The following ANKRD44 variants were observed in gnomAD, a reference collection of about 807,000 sequenced individuals.
The protein encoded by ANKRD44 is ankyrin repeat domain 44.
Under a neutral mutation model 116.0 loss-of-function variants are expected in ANKRD44, and 35 were observed. That is an observed-to-expected ratio of 0.30 (90% CI 0.23 to 0.40). The LOEUF is 0.40. ANKRD44 is among the 10% of genes least tolerant of loss of function. ANKRD44 has a pLI of 1.00. For synonymous variants in ANKRD44, 435 were observed against 461.8 expected (o/e 0.94, Z 0.74); for missense variants, 1,014 against 1,242.6 (o/e 0.82, Z 2.77).
intron 16 of ANKRD44, among the ~76,000 whole-genome samples, chr2:197,050,360 C>T (rs1329839190): frequency 6.6e-6 from 1 of 152,110 alleles, no homozygotes; most frequent in African/African-American, 2.4e-5. Flanking sequence ...ATCACATCAA[C>T]CATCAATAAC....
At chr2:197,264,049 G>A (rs1291126510) in intron 1 of ANKRD44, among the ~76,000 whole-genome samples, 2 of 152,174 alleles carry the variant, frequency 1.3e-5, no homozygotes, top group African/African-American at 4.8e-5. Context: ...GAGCCTAGGA[G>A]CTTGAGACCA....
intron 1 of ANKRD44, among the ~76,000 whole-genome samples, chr2:197,290,359 G>T (rs1369963710): frequency 1.3e-5 from 2 of 152,112 alleles, no homozygotes; most frequent in South Asian, 2.1e-4. Flanking sequence ...TAGTGATGTT[G>T]AGCATTTTTT....
intron 16 of ANKRD44, among the ~76,000 whole-genome samples, chr2:197,064,853 G>A (rs1174401354): frequency 1.3e-5 from 2 of 152,090 alleles, no homozygotes; most frequent in African/African-American, 4.8e-5. Flanking sequence ...CAACAATAAT[G>A]GGAGACTTTA....
intron 2 of ANKRD44, among the ~76,000 whole-genome samples, chr2:197,183,775 C>CCATTCATT (rs150212265): frequency 6.6e-6 from 1 of 151,908 alleles, no homozygotes; most frequent in African/African-American, 2.4e-5. Flanking sequence ...TGTTCTTTAT[C>CCATTCATT]CATTCATTCA....
At chr2:196,990,363 G>C in intron 27 of ANKRD44, 1 of 1,026,016 alleles carries the variant, frequency 9.7e-7, no homozygotes, top group Non-Finnish European at 1.2e-6. Flanking sequence ...TATTCATAGC[G>C]AACAGCTGCC....
intron 10 of ANKRD44, among the ~76,000 whole-genome samples, chr2:197,097,089 C>T (rs915543359): frequency 6.6e-6 from 1 of 152,164 alleles, no homozygotes; most frequent in East Asian, 1.9e-4. Flanking sequence ...TTTTAAGGCA[C>T]TTTTGCTACA....
chr2:197,205,157 A>G (rs1381263196), intron 1 of ANKRD44, among the ~76,000 whole-genome samples: 1 of 152,254 alleles, frequency 6.6e-6, no homozygotes, highest in African/African-American at 2.4e-5. Context: ...AGAACCACAG[A>G]GTAAGGTCCA....
At chr2:197,171,996 C>CTTTTTTTTTTTTTTTTTTTTTTTT (rs1559122763) in intron 2 of ANKRD44, among the ~76,000 whole-genome samples, 1 of 29,318 alleles carries the variant, frequency 3.4e-5, no homozygotes, top group African/African-American at 5.3e-5. Context: ...CGTTATTTTT[C>CTTTTTTTTTTTTTTTTTTTTTTTT]TTCTTTTTTT....
intron 2 of ANKRD44, among the ~76,000 whole-genome samples, chr2:197,160,203 A>G (rs2079926218): frequency 6.6e-6 from 1 of 152,152 alleles, no homozygotes; most frequent in Non-Finnish European, 1.5e-5. Flanking sequence ...CTGATTACTC[A>G]TTTTTCTTTT....
intron 18 of ANKRD44, among the ~76,000 whole-genome samples, chr2:197,010,936 C>T (rs1011010065): frequency 1.3e-5 from 2 of 152,218 alleles, no homozygotes; most frequent in African/African-American, 4.8e-5. Context: ...CTGGAATTAG[C>T]TTGCATTCAT....
chr2:197,151,602 G>A lies in ANKRD44; in HGVS notation c.112-4497C>T, dbSNP rs76568795. On this transcript the variant is annotated intron_variant, in intron 2 of 27. Transcript: ENST00000282272. ...GAGGAGAAAGGAAAAATAAGCACAGGAACTTTGGGCTACGTTTTACAATCA... is the reference window on the plus strand; with the variant it reads ...GAGGAGAAAGGAAAAATAAGCACAGAAACTTTGGGCTACGTTTTACAATCA... Among the ~76,000 whole-genome samples the A allele has an allele frequency of 9.4e-3, 1,428 of 152,184 alleles. 6 individuals are homozygous for A. The highest frequency in any genetic ancestry group is 0.013 in the Non-Finnish European group (908 of 68,000).
At chr2:196,979,382 CAAAAAAAAAAA>C (rs778459937) in intron 21 of ANKRD44, among the ~76,000 whole-genome samples, 498 of 40,596 alleles carry the variant, frequency 0.012, 9 homozygotes, top group African/African-American at 0.037. Context: ...GACTCCGTCT[CAAAAAAAAAAA>C]AAAAAAAAAA....
At chr2:197,116,703 G>A (rs2078719379) in intron 8 of ANKRD44, among the ~76,000 whole-genome samples, 1 of 151,950 alleles carries the variant, frequency 6.6e-6, no homozygotes, top group Non-Finnish European at 1.5e-5. Flanking sequence ...CTCTCTCCTT[G>A]GGCGGTCTCG....
At chr2:197,293,853 A>G (rs1359821622) in intron 1 of ANKRD44, among the ~76,000 whole-genome samples, 1 of 152,216 alleles carries the variant, frequency 6.6e-6, no homozygotes, top group East Asian at 1.9e-4. Context: ...TACTAGAACC[A>G]CATGATAATT....
intron 1 of ANKRD44, among the ~76,000 whole-genome samples, chr2:197,261,731 T>C (rs1016995648): frequency 6.6e-6 from 1 of 152,182 alleles, no homozygotes; most frequent in Non-Finnish European, 1.5e-5. Context: ...CCCTAGAGAA[T>C]CTGAGACTTT....
rs530157257 is a variant in ANKRD44, at chr2:197,300,666, A to G, written c.27+9912T>C. Among the ~76,000 whole-genome samples, 36 of 152,206 alleles carry G rather than the reference A, an allele frequency of 2.4e-4. No individual in the cohort carries two copies. The South Asian group carries it at 7.3e-3, about 31-fold the overall frequency. On this transcript the variant is annotated intron_variant, in intron 1 of 27. Transcript: ENST00000282272. ...AGAATCCTAATGTGTGATGGCTAAGAATGTGCACCTTGGAGTTGAGCTTGC... is the reference window on the plus strand; with the variant it reads ...AGAATCCTAATGTGTGATGGCTAAGGATGTGCACCTTGGAGTTGAGCTTGC...
intron 23 of ANKRD44, 83 bp downstream of exon 23, chr2:197,000,336 A>G: frequency 9.6e-7 from 1 of 1,043,602 alleles, no homozygotes; most frequent in Non-Finnish European, 1.5e-6. Flanking sequence ...TCAATTAAAA[A>G]CATAGATGTT....
intron 16 of ANKRD44, among the ~76,000 whole-genome samples, chr2:197,067,429 C>T (rs1374522403): frequency 3.3e-5 from 5 of 151,838 alleles, no homozygotes; most frequent in African/African-American, 1.2e-4. Flanking sequence ...AGGCAACCTA[C>T]AACATGGGAG....
rs116208136 is a variant in ANKRD44, at chr2:197,088,931, T to C, written c.1184-157A>G. The C allele has an allele frequency of 4.6e-4, 294 of 645,840 alleles. No individual in the cohort carries two copies. The African/African-American group carries it at 5.2e-3, about 11-fold the overall frequency. The allele number at this position is 645,840 out of a possible 1,614,324, so 40.0% of individuals were successfully genotyped here. A position where few individuals can be genotyped will look rare whatever the true frequency, so the allele number is the denominator to read the frequency against. ...AGAAAGAGGTTGTCATGGAAACGAA[T>C]GGGAACTGCTCAAGCTTGGCAATTT... On this transcript the variant is annotated intron_variant, in intron 11 of 27. Coordinates refer to ENST00000282272, the MANE Select transcript of ANKRD44 (RefSeq NM_001195144.2).
Sources: gnomAD v4.1 joint callset for allele counts (sites outside exome capture counted in the v4.1 genomes callset) on GRCh38, gnomAD v4.1.1 for gene constraint, MANE v1.5 for transcripts, NCBI Gene and HGNC (gene_info 2026-07-23, HGNC 2026-07-21) for gene names.